SORCS2: variants seen among roughly 807,000 people sequenced by gnomAD.
SORCS2 encodes VPS10 domain-containing receptor SorCS2.
SORCS2 carries 100 observed loss-of-function variants against 141.6 expected under a neutral mutation model. That is an observed-to-expected ratio of 0.71 (90% confidence interval 0.60 to 0.83). The LOEUF is 0.83. SORCS2 is among the 40% of genes least tolerant of loss of function. SORCS2 has a pLI of 0.00. For synonymous variants in SORCS2, 789 were observed against 676.9 expected, an observed-to-expected ratio of 1.17 and a Z score of -2.57; for missense variants, 1,646 against 1,560.2, an observed-to-expected ratio of 1.05 and a Z score of -0.93.
At chr4:7,407,145 A>G (rs984996327) in intron 2 of SORCS2, among the ~76,000 whole-genome samples, 1 of 152,086 alleles carries the variant, frequency 6.6e-6, no homozygotes, top group Non-Finnish European at 1.5e-5. Context: ...GATGAATTCT[A>G]TAGCATTTGG....
intron 2 of SORCS2, among the ~76,000 whole-genome samples, chr4:7,476,023 G>A (rs1730270252): frequency 6.6e-6 from 1 of 152,146 alleles, no homozygotes; most frequent in African/African-American, 2.4e-5. Context: ...GGGCCCAAGC[G>A]GAAGGAAGAC....
intron 2 of SORCS2, among the ~76,000 whole-genome samples, chr4:7,422,381 C>A (rs1251719051): frequency 1.3e-5 from 2 of 152,196 alleles, no homozygotes; most frequent in Non-Finnish European, 2.9e-5. Flanking sequence ...GCTTCTACAG[C>A]CTGGGCAGGC....
chr4:7,362,848 C>T (rs199527280), intron 1 of SORCS2, among the ~76,000 whole-genome samples: 12,873 of 151,222 alleles, frequency 0.085, 641 homozygotes, highest in East Asian at 0.18. Context: ...TCATCATTAT[C>T]ACCATCATCA....
intron 18 of SORCS2, among the ~76,000 whole-genome samples, chr4:7,721,213 C>T (rs1231652412): frequency 6.6e-6 from 1 of 152,174 alleles, no homozygotes; most frequent in African/African-American, 2.4e-5. Context: ...GCCTGTGATC[C>T]CAGCAGTTTG....
intron 3 of SORCS2, among the ~76,000 whole-genome samples, chr4:7,531,885 G>A (rs535571309): frequency 2.6e-4 from 40 of 152,410 alleles, no homozygotes; most frequent in African/African-American, 8.7e-4. Context: ...CCGCTGGTTG[G>A]GGTGGGGGCA....
chr4:7,208,539 G>A (rs149490738), intron 1 of SORCS2, among the ~76,000 whole-genome samples: 147 of 152,322 alleles, frequency 9.7e-4, no homozygotes, highest in African/African-American at 3.3e-3. Context: ...GTACACCCCG[G>A]CAGCCGCAGG....
At chr4:7,419,313 G>A (rs1051937080) in intron 2 of SORCS2, among the ~76,000 whole-genome samples, 1 of 152,136 alleles carries the variant, frequency 6.6e-6, no homozygotes, top group African/African-American at 2.4e-5. Context: ...GACTCCATCT[G>A]GAGAAGACCT....
intron 1 of SORCS2, among the ~76,000 whole-genome samples, chr4:7,199,034 TG>T (rs111728518): frequency 0.014 from 2,061 of 152,336 alleles, 34 homozygotes; most frequent in African/African-American, 0.037. Context: ...CCTTGTTTCC[TG>T]GGTGCTTACC....
At chr4:7,320,793 C>T (rs1455607626) in intron 1 of SORCS2, among the ~76,000 whole-genome samples, 2 of 152,184 alleles carry the variant, frequency 1.3e-5, no homozygotes, top group East Asian at 3.8e-4. Context: ...GCTCCTACTC[C>T]TTTGTCATTC....
chr4:7,420,173 G>C (rs4689742), intron 2 of SORCS2, among the ~76,000 whole-genome samples: 76,544 of 152,120 alleles, frequency 0.5, 19,628 homozygotes, highest in Middle Eastern at 0.62. Context: ...AATGTGCCTG[G>C]GGGGCAAGGA....
chr4:7,496,508 G>C (rs1254108442), intron 2 of SORCS2, among the ~76,000 whole-genome samples: 2 of 143,990 alleles, frequency 1.4e-5, no homozygotes, highest in Admixed American at 7.1e-5. Context: ...TGAGCCTGTG[G>C]TGCTCTGCAC....
chr4:7,372,369 G>A (rs1189510733), intron 1 of SORCS2, among the ~76,000 whole-genome samples: 1 of 152,106 alleles, frequency 6.6e-6, no homozygotes, highest in Non-Finnish European at 1.5e-5. Flanking sequence ...GGCAGTGGCG[G>A]GATCTCAGCT....
At chr4:7,681,793 T>G (rs549604523) in intron 9 of SORCS2, among the ~76,000 whole-genome samples, 8 of 152,336 alleles carry the variant, frequency 5.3e-5, no homozygotes, top group Admixed American at 5.2e-4. Context: ...TTAATAACTG[T>G]ATGCCGTTAC....
intron 2 of SORCS2, among the ~76,000 whole-genome samples, chr4:7,415,633 C>T (rs1725616671): frequency 6.6e-6 from 1 of 152,206 alleles, no homozygotes; most frequent in African/African-American, 2.4e-5. Flanking sequence ...GGATGTGGAC[C>T]TGTTTTGGGG....
At chr4:7,215,958 A>G (rs1291550706) in intron 1 of SORCS2, among the ~76,000 whole-genome samples, 2 of 151,458 alleles carry the variant, frequency 1.3e-5, no homozygotes, top group Non-Finnish European at 3.0e-5. Context: ...CGGAGCCAGC[A>G]GTGGCAACCC....
chr4:7,717,559 G>A (rs1388468676), intron 17 of SORCS2, among the ~76,000 whole-genome samples: 2 of 152,220 alleles, frequency 1.3e-5, no homozygotes, highest in African/African-American at 4.8e-5. Flanking sequence ...CCCAGGAGGA[G>A]GGGTGTGTGT....
At chr4:7,566,474 T>A (rs1390809516) in intron 3 of SORCS2, among the ~76,000 whole-genome samples, 2 of 152,232 alleles carry the variant, frequency 1.3e-5, no homozygotes, top group African/African-American at 4.8e-5. Flanking sequence ...CATAACATTC[T>A]TATTTTTACC....
rs1369845093 is a variant in SORCS2, at chr4:7,207,884, C to T, written c.480+14758C>T. 3.3e-5 allele frequency among the ~76,000 whole-genome samples: 5 copies of T among 152,182 alleles called. No individual in the cohort carries two copies. The South Asian group carries it at 6.2e-4, about 19-fold the overall frequency. On this transcript the variant is annotated intron_variant, in intron 1 of 26. Transcript: ENST00000507866. ...TATGAATTATTGCCTGGAATTCTCA[C>T]CTCTAAGATCAAGTCAGAATTTCTT...
chr4:7,517,853 T>C (rs1432764489), intron 2 of SORCS2, among the ~76,000 whole-genome samples: 1 of 152,182 alleles, frequency 6.6e-6, no homozygotes, highest in Non-Finnish European at 1.5e-5. Flanking sequence ...GAGAAAAAAG[T>C]GGATTTCCAC....
Sources: gnomAD v4.1 joint callset for allele counts (sites outside exome capture counted in the v4.1 genomes callset) on GRCh38, gnomAD v4.1.1 for gene constraint, MANE v1.5 for transcripts, NCBI Gene and HGNC (gene_info 2026-07-23, HGNC 2026-07-21) for gene names.